Variants in COL14A1 observed in about 807,000 individuals in gnomAD.
COL14A1 encodes the protein collagen type XIV alpha 1 chain, also known as collagen alpha-1(XIV) chain.
A neutral mutation model predicts 230.3 loss-of-function variants in COL14A1; 136 were observed. That is an observed-to-expected ratio of 0.59 (90% CI 0.51 to 0.68). COL14A1 has a LOEUF of 0.68. Among genes scored for constraint, COL14A1 ranks in the 30% least tolerant of loss-of-function variants. COL14A1 has a pLI of 0.00. For synonymous variants in COL14A1, 792 were observed against 784.1 expected, an observed-to-expected ratio of 1.01 and a Z score of -0.17; for missense variants, 1,976 against 2,215.8, an observed-to-expected ratio of 0.89 and a Z score of 2.17.
At chr8:120,185,731 G>T (rs1563658241) in intron 5 of COL14A1, among the ~76,000 whole-genome samples, 1 of 152,064 alleles carries the variant, frequency 6.6e-6, no homozygotes, top group African/African-American at 2.4e-5. Context: ...TAACTAGTAA[G>T]TCAGTCACTT....
intron 26 of COL14A1, among the ~76,000 whole-genome samples, chr8:120,275,328 A>G (rs1415716768): frequency 6.6e-6 from 1 of 151,992 alleles, no homozygotes; most frequent in Non-Finnish European, 1.5e-5. Context: ...CTCACCTTAT[A>G]CAAAAATCAA....
In COL14A1 at chr8:120,212,496, C is replaced by T. The variant is rs1486136269; in HGVS notation, c.1516C>T (p.Pro506Ser). 1.9e-6 allele frequency: 3 copies of T among 1,613,478 alleles called. No homozygotes were observed. The South Asian group carries it at 3.3e-5, about 18-fold the overall frequency. ...HTDIELSGLL[P>S]NTEYTVTVYA... ...AGATATTGAATTGAGTGGGTTGTTG[C>T]CCAATACAGAATACACAGTCACAGT... The change falls in exon 13 of 48, where the codon CCC becomes TCC. Residue 506 changes from proline to serine, a missense_variant. Physicochemically the swap from Pro to Ser is moderately conservative, Grantham distance 74 (BLOSUM62 -1). Coordinates refer to ENST00000297848, the MANE Select transcript of COL14A1 (RefSeq NM_021110.4).
chr8:120,125,346 T>C lies in COL14A1; in HGVS notation c.-38+6T>C, dbSNP rs1362876490. ...TGGAACCTTGCCCAGCACAGGTCAG[T>C]TCGTCTTTCTCTGCTCTTCTTTGGC... On this transcript the variant is annotated splice_donor_region_variant and intron_variant, in intron 1 of 47. Transcript: ENST00000297848. The C allele has an allele frequency of 6.6e-6, 1 of 152,326 alleles. No individual in the cohort carries two copies. Among genetic ancestry groups the C allele is most frequent in the Non-Finnish European group, 1.5e-5 (1 of 68,104 alleles). The allele number at this position is 152,326 out of a possible 1,614,324, so 9.4% of individuals were successfully genotyped here. A position where few individuals can be genotyped will look rare whatever the true frequency, so the allele number is the denominator to read the frequency against.
intron 19 of COL14A1, among the ~76,000 whole-genome samples, chr8:120,238,419 T>C (rs1230571603): frequency 6.6e-6 from 1 of 152,140 alleles, no homozygotes; most frequent in Non-Finnish European, 1.5e-5. Context: ...AGGGGAAAAC[T>C]GTCTACTCAA....
chr8:120,360,638 C>CT (rs1222514349), intron 45 of COL14A1, among the ~76,000 whole-genome samples: 66 of 152,118 alleles, frequency 4.3e-4, no homozygotes, highest in African/African-American at 1.5e-3. Context: ...CCCACAGGTG[C>CT]CTCAGTTCTG....
At chr8:120,369,520 G>A in intron 47 of COL14A1, 35 bp downstream of exon 47, 1 of 1,504,120 alleles carries the variant, frequency 6.6e-7, no homozygotes. Flanking sequence ...TGTGGGCTTT[G>A]ATCAATGTTT....
intron 23 of COL14A1, among the ~76,000 whole-genome samples, chr8:120,259,947 C>G (rs1453300922): frequency 6.6e-6 from 1 of 152,124 alleles, no homozygotes; most frequent in Non-Finnish European, 1.5e-5. Flanking sequence ...TGGACCTAAG[C>G]AAAGCGAAAC....
intron 19 of COL14A1, among the ~76,000 whole-genome samples, chr8:120,243,187 T>C (rs1818657054): frequency 6.6e-6 from 1 of 152,186 alleles, no homozygotes; most frequent in African/African-American, 2.4e-5. Flanking sequence ...AGCCACCACA[T>C]GGAGCCCTGC....
At chr8:120,228,514 T>G (rs1586785225) in intron 17 of COL14A1, among the ~76,000 whole-genome samples, 196 bp from the exon 18 acceptor site, 1 of 152,190 alleles carries the variant, frequency 6.6e-6, no homozygotes, top group East Asian at 1.9e-4. Flanking sequence ...ATTCTTTGGG[T>G]TTCAGTTTTC....
intron 45 of COL14A1, among the ~76,000 whole-genome samples, chr8:120,361,743 G>C (rs532735893): frequency 2.2e-4 from 34 of 152,242 alleles, no homozygotes; most frequent in African/African-American, 8.2e-4. Flanking sequence ...AGAATGTCTG[G>C]GGATGAGGAA....
intron 5 of COL14A1, 145 bp from the exon 6 acceptor site, chr8:120,196,646 A>T: frequency 1.4e-6 from 1 of 739,686 alleles, no homozygotes; most frequent in Non-Finnish European, 2.1e-6. Context: ...AAATACATTT[A>T]AGGGAAGAGT....
At chr8:120,132,963 A>G (rs1238617342) in intron 1 of COL14A1, among the ~76,000 whole-genome samples, 3 of 152,196 alleles carry the variant, frequency 2.0e-5, no homozygotes, top group Non-Finnish European at 4.4e-5. Context: ...CACGCCTGTA[A>G]TCCCAGCACT....
At chr8:120,217,848 A>G (rs914672367) in intron 14 of COL14A1, among the ~76,000 whole-genome samples, 2 of 151,408 alleles carry the variant, frequency 1.3e-5, no homozygotes, top group African/African-American at 4.9e-5. Flanking sequence ...TGAGGAAGAT[A>G]ATATAAATGA....
At chr8:120,217,880 G>T (rs1817803577) in intron 14 of COL14A1, among the ~76,000 whole-genome samples, 1 of 150,376 alleles carries the variant, frequency 6.6e-6, no homozygotes. Context: ...CATTAAATCT[G>T]TAGAAGCAGA....
At chr8:120,307,399 C>T (rs1007303129) in intron 36 of COL14A1, among the ~76,000 whole-genome samples, 1 of 152,164 alleles carries the variant, frequency 6.6e-6, no homozygotes, top group African/African-American at 2.4e-5. Flanking sequence ...GACATTTGGT[C>T]TTCCATGTAG....
intron 42 of COL14A1, among the ~76,000 whole-genome samples, chr8:120,334,731 C>T (rs1251925323): frequency 2.0e-5 from 3 of 152,062 alleles, no homozygotes; most frequent in Non-Finnish European, 4.4e-5. Context: ...AGCCTGCTTC[C>T]CAGAATGTGC....
At chr8:120,362,333 G>A (rs757143579) in intron 45 of COL14A1, among the ~76,000 whole-genome samples, 1 of 152,154 alleles carries the variant, frequency 6.6e-6, no homozygotes. Flanking sequence ...GAAGCAGCTG[G>A]CATCCGAAAC....
intron 45 of COL14A1, 138 bp downstream of exon 45, chr8:120,345,701 CTTGT>C (rs2130288823): frequency 2.6e-6 from 2 of 783,162 alleles, no homozygotes; most frequent in Non-Finnish European, 3.6e-6. Flanking sequence ...TCTTCAGTTT[CTTGT>C]TTATTTATCT....
chr8:120,215,510 G>A (rs11994477), intron 13 of COL14A1, among the ~76,000 whole-genome samples: 2,264 of 152,248 alleles, frequency 0.015, 63 homozygotes, highest in African/African-American at 0.052. Context: ...CATTTGGAAG[G>A]TTTTGTGCAG....
Sources: gnomAD v4.1 joint callset for allele counts (sites outside exome capture counted in the v4.1 genomes callset) on GRCh38, gnomAD v4.1.1 for gene constraint, MANE v1.5 for transcripts, NCBI Gene and HGNC (gene_info 2026-07-23, HGNC 2026-07-21) for gene names.